Variants in TRERF1 observed in about 807,000 individuals in gnomAD.
The protein encoded by TRERF1 is transcriptional regulating factor 1.
In TRERF1, 27 loss-of-function variants were observed where a neutral mutation model predicts 122.9. That is an observed-to-expected ratio of 0.22 (90% CI 0.16 to 0.30). TRERF1 has a LOEUF of 0.30. Ranked by LOEUF, TRERF1 falls within the 10% of genes least tolerant of loss-of-function variation. The pLI is 1.00. For missense variants in TRERF1, 1,248 were observed against 1,560.3 expected (o/e 0.80, Z 3.37); for synonymous variants, 636 against 641.7 (o/e 0.99, Z 0.13).
rs188588567 is a variant in TRERF1, at chr6:42,373,692, G to A, written c.-453-10613C>T. ...AAAAAACAAAAAAAATTAGCCAGGC[G>A]TGGTGGCACATGCCTGTAATCCCAG... On this transcript the variant is annotated intron_variant, in intron 2 of 17. Coordinates refer to ENST00000372922, the Ensembl canonical transcript of TRERF1. Among the ~76,000 whole-genome samples the A allele has an allele frequency of 3.9e-3, 588 of 151,848 alleles. 3 individuals are homozygous for A. Among genetic ancestry groups the A allele is most frequent in the Non-Finnish European group, 6.8e-3 (463 of 67,952 alleles).
intron 2 of TRERF1, among the ~76,000 whole-genome samples, chr6:42,434,608 A>T (rs1045065819): frequency 6.6e-6 from 1 of 151,446 alleles, no homozygotes. Context: ...GAAGGTGAAT[A>T]AAACGCATTT....
intron 3 of TRERF1, among the ~76,000 whole-genome samples, chr6:42,322,835 T>C (rs376415595): frequency 6.6e-6 from 1 of 152,246 alleles, no homozygotes; most frequent in East Asian, 1.9e-4. Context: ...TAACGCTCCC[T>C]GCTTTCTGCC....
chr6:42,256,816 T>G (rs2149748846), exon 12 of TRERF1: 1 of 1,614,206 alleles, frequency 6.2e-7, no homozygotes, highest in Middle Eastern at 1.6e-4. Context: ...ACAGCACAAA[T>G]TCAGAAGATT....
intron 3 of TRERF1, among the ~76,000 whole-genome samples, chr6:42,327,089 G>A (rs373478125): frequency 3.3e-5 from 5 of 152,172 alleles, no homozygotes; most frequent in African/African-American, 7.2e-5. Flanking sequence ...AAGTAAGGGC[G>A]GGAGGTGGGG....
intron 2 of TRERF1, among the ~76,000 whole-genome samples, chr6:42,401,903 A>G (rs188911007): frequency 7.2e-5 from 11 of 152,372 alleles, no homozygotes; most frequent in Non-Finnish European, 2.9e-5. Context: ...ACAGGAGCCA[A>G]CTACATTTCT....
chr6:42,297,043 G>A (rs552821928), intron 4 of TRERF1, among the ~76,000 whole-genome samples: 1 of 152,120 alleles, frequency 6.6e-6, no homozygotes, highest in Non-Finnish European at 1.5e-5. Context: ...CTTGCCAATG[G>A]TCAACAGTTA....
chr6:42,287,242 T>C (rs970979867), intron 4 of TRERF1, among the ~76,000 whole-genome samples: 5 of 148,900 alleles, frequency 3.4e-5, no homozygotes, highest in African/African-American at 1.2e-4. Flanking sequence ...TGTACACATA[T>C]GTAACTAACC....
chr6:42,286,215 G>A (rs370065595), intron 4 of TRERF1, among the ~76,000 whole-genome samples: 1 of 137,730 alleles, frequency 7.3e-6, no homozygotes, highest in African/African-American at 2.8e-5. Flanking sequence ...CATTACCATT[G>A]AGGACATAGG....
At chr6:42,241,955 C>T (rs1480135701) in intron 15 of TRERF1, among the ~76,000 whole-genome samples, 4 of 152,018 alleles carry the variant, frequency 2.6e-5, no homozygotes, top group Non-Finnish European at 5.9e-5. Context: ...ATGAGTGGGG[C>T]GTTGTGGTGT....
intron 4 of TRERF1, among the ~76,000 whole-genome samples, chr6:42,293,156 A>C (rs1784564903): frequency 6.6e-6 from 1 of 152,238 alleles, no homozygotes; most frequent in Non-Finnish European, 1.5e-5. Context: ...CTCAGAGCTC[A>C]TGCCAGCCTC....
chr6:42,348,251 T>C (rs1242143566), intron 3 of TRERF1, among the ~76,000 whole-genome samples: 3 of 152,076 alleles, frequency 2.0e-5, no homozygotes, highest in Non-Finnish European at 4.4e-5. Context: ...TTTTTCTTTT[T>C]CTTCTTTTTC....
intron 2 of TRERF1, among the ~76,000 whole-genome samples, chr6:42,379,119 CAA>C (rs201333864): frequency 0.1 from 15,702 of 151,574 alleles, 1,335 homozygotes; most frequent in African/African-American, 0.23. Flanking sequence ...GGGCTTGTCT[CAA>C]AAAAAAATTT....
chr6:42,445,145 T>C (rs1348331046), intron 2 of TRERF1, among the ~76,000 whole-genome samples: 1 of 151,940 alleles, frequency 6.6e-6, no homozygotes, highest in Admixed American at 6.6e-5. Flanking sequence ...GACACATGCC[T>C]GTAGTCCCAG....
chr6:42,228,544 G>T lies in TRERF1; in HGVS notation c.3404C>A (p.Thr1135Asn). 1 of 1,614,234 alleles carries T rather than the reference G, an allele frequency of 6.2e-7. No homozygotes were observed. The highest frequency in any genetic ancestry group is 8.5e-7 in the Non-Finnish European group (1 of 1,180,048). Residue 1135 changes from threonine to asparagine, a missense_variant, in exon 18 of 18, where the codon ACT becomes AAT. Physicochemically the swap from Thr to Asn is moderately conservative, Grantham distance 65. Coordinates refer to ENST00000372922, the Ensembl canonical transcript of TRERF1. This position sits in a 1 kb window ranked among gnomAD's most constrained non-coding sequence, Gnocchi z 4.2. ...CCCCGGCGCCCCCACGGGCCCCGTA[G>T]TCCTCTCAATCGTGGCTGCCATCTC...
intron 2 of TRERF1, among the ~76,000 whole-genome samples, chr6:42,448,180 A>G (rs1787872291): frequency 6.6e-6 from 1 of 151,812 alleles, no homozygotes; most frequent in Non-Finnish European, 1.5e-5. Flanking sequence ...AAAGCAGGCA[A>G]AGCCACACTG....
At chr6:42,420,110 G>A (rs932937690) in intron 2 of TRERF1, among the ~76,000 whole-genome samples, 4 of 152,254 alleles carry the variant, frequency 2.6e-5, no homozygotes, top group Non-Finnish European at 4.4e-5. Context: ...ACCTACCTAG[G>A]AGCTTCTCCT....
At chr6:42,249,239 C>T (rs1414771259) in intron 13 of TRERF1, among the ~76,000 whole-genome samples, 1 of 152,136 alleles carries the variant, frequency 6.6e-6, no homozygotes. Flanking sequence ...TCTTTCCAAC[C>T]TCAACCAGAC....
intron 2 of TRERF1, among the ~76,000 whole-genome samples, chr6:42,446,202 C>T (rs1787485245): frequency 6.6e-6 from 1 of 152,234 alleles, no homozygotes; most frequent in South Asian, 2.1e-4. Flanking sequence ...GTGTGAGCCA[C>T]CGTGCCCAGT....
rs114784729 is a variant in TRERF1 at position 42,281,881 on chromosome 6, C to T, written c.-258-12033G>A. Reference sequence around the variant, plus strand: ...TCAGAAGCCCCTCCCAATAACCCCACATGGTGGTAAGTGCATCCATCACCT... The same window carrying T: ...TCAGAAGCCCCTCCCAATAACCCCATATGGTGGTAAGTGCATCCATCACCT... On this transcript the variant is annotated intron_variant, in intron 4 of 17. Transcript: ENST00000372922. Among the ~76,000 whole-genome samples the T allele has an allele frequency of 6.7e-3, 1,022 of 152,348 alleles. 5 individuals carry two copies. Among genetic ancestry groups the T allele is most frequent in the Middle Eastern group, 0.027 (8 of 294 alleles).
Sources: allele counts gnomAD v4.1 joint callset (sites outside exome capture counted in the v4.1 genomes callset), GRCh38; gene constraint gnomAD v4.1.1; non-coding constraint Gnocchi (gnomAD v3.1); transcripts MANE v1.5; gene names NCBI Gene and HGNC (gene_info 2026-07-23, HGNC 2026-07-21).